Variants in UBR1 observed in about 807,000 individuals in gnomAD.
UBR1 encodes the protein E3 ubiquitin-protein ligase UBR1.
UBR1 carries 102 observed loss-of-function variants against 242.1 expected under a neutral mutation model. The observed-to-expected ratio is 0.42, with a 90% CI of 0.36 to 0.50. UBR1 has a LOEUF of 0.50. Ranked by LOEUF, UBR1 falls within the 20% of genes least tolerant of loss-of-function variation. The probability of loss-of-function intolerance (pLI) is 0.01; values close to 1 mark genes in which losing one functional copy is unlikely to be tolerated. For synonymous variants in UBR1, 675 were observed against 684.8 expected (o/e 0.99, Z 0.22); for missense variants, 1,772 against 2,101.8 (o/e 0.84, Z 3.07).
intron 3 of UBR1, among the ~76,000 whole-genome samples, chr15:43,075,460 T>A (rs535006403): frequency 6.6e-6 from 1 of 152,268 alleles, no homozygotes; most frequent in East Asian, 1.9e-4. Flanking sequence ...TTGTTATACT[T>A]TAAGTTTTAG....
rs371201277 is a variant in UBR1 at position 43,069,567 on chromosome 15, G to A, written c.659+1228C>T. The stretch of plus-strand genomic sequence containing the variant: ...TGGGATTACAGGCGTGAGCCGCCGC[G>A]CCCGGCCTATGTTCCCAGTTTTAAA... On this transcript the variant is annotated intron_variant, in intron 5 of 46. Transcript: ENST00000290650. 1.1e-3 allele frequency among the ~76,000 whole-genome samples: 174 copies of A among 152,288 alleles called. 4 individuals carry two copies. The South Asian group carries it at 0.035, about 31-fold the overall frequency.
intron 21 of UBR1, among the ~76,000 whole-genome samples, chr15:43,028,814 T>A (rs2033213374): frequency 6.6e-6 from 1 of 150,390 alleles, no homozygotes; most frequent in African/African-American, 2.5e-5. Context: ...CCGGATGCAG[T>A]ACATCACACC....
At chr15:42,946,847 C>A (rs1331089866) in intron 46 of UBR1, among the ~76,000 whole-genome samples, 1 of 152,056 alleles carries the variant, frequency 6.6e-6, no homozygotes, top group Non-Finnish European at 1.5e-5. Flanking sequence ...GCTGATATAG[C>A]TGGCTAATAA....
chr15:42,990,048 C>T lies in UBR1; in HGVS notation c.3830G>A (p.Ser1277Asn), dbSNP rs1268536076. The T allele has an allele frequency of 6.2e-7, 1 of 1,609,106 alleles. No homozygotes were observed. Among genetic ancestry groups the T allele is most frequent in the Non-Finnish European group, 8.5e-7 (1 of 1,177,310 alleles). ...TACTTACGAAGACTCAACGCCAAAA[C>T]TCAGGATGGAATGGAACTCCAAAGT... is the stretch of plus-strand genomic sequence containing the variant. ...DSTLEFHSIL[S>N]FGVESSIKYS... The change falls in exon 34 of 47, where the codon AGT (serine) becomes AAT (asparagine). Residue 1277 changes from serine (S) to asparagine (N), a missense_variant. Coordinates refer to ENST00000290650, the MANE Select transcript of UBR1 (RefSeq NM_174916.3).
chr15:43,025,488 A>C, intron 23 of UBR1, 59 bp from the exon 24 acceptor site: 1 of 1,342,622 alleles, frequency 7.4e-7, no homozygotes, highest in Admixed American at 1.8e-5. Context: ...AATGAAATAC[A>C]TTAAAGCAGT....
intron 37 of UBR1, among the ~76,000 whole-genome samples, chr15:42,982,697 A>G (rs2032395437): frequency 1.3e-5 from 2 of 152,230 alleles, no homozygotes; most frequent in South Asian, 4.1e-4. Flanking sequence ...ATTGGCTTCA[A>G]TAGATTTTCA....
rs368908908 is a variant in UBR1, at chr15:43,015,685, T to C, written c.3209+3A>G. ...TGGTAATTTTTGGTTTGCTTTATTTTACCTCTCTTCCTCCATAATGGAATC... is the reference window on the plus strand; with the variant it reads ...TGGTAATTTTTGGTTTGCTTTATTTCACCTCTCTTCCTCCATAATGGAATC... On this transcript the variant is annotated splice_donor_region_variant and intron_variant, in intron 29 of 46. Coordinates refer to ENST00000290650, the MANE Select transcript of UBR1 (RefSeq NM_174916.3). 3.1e-5 allele frequency: 50 copies of C among 1,613,588 alleles called. No homozygotes were observed. The African/African-American group carries it at 4.3e-4, about 14-fold the overall frequency.
chr15:43,022,625 C>G, intron 26 of UBR1, 77 bp downstream of exon 26: 2 of 1,051,514 alleles, frequency 1.9e-6, no homozygotes, highest in Non-Finnish European at 2.9e-6. Context: ...TATAAACTTT[C>G]AGGATTGACA....
At chr15:42,991,198 C>G (rs1393948090) in intron 33 of UBR1, among the ~76,000 whole-genome samples, 1 of 151,946 alleles carries the variant, frequency 6.6e-6, no homozygotes, top group Non-Finnish European at 1.5e-5. Flanking sequence ...ATCACTTGAA[C>G]CCAGGGGGTG....
chr15:43,021,373 A>G lies in UBR1; in HGVS notation c.2842T>C (p.Leu948=), dbSNP rs915536049. 4 of 1,613,346 alleles carry G rather than the reference A, an allele frequency of 2.5e-6. No individual in the cohort carries two copies. In the East Asian group the frequency reaches 6.7e-5, roughly 27 times the overall value. ...TFDFYHKASR[L]GSSAMNIQML... is the part of the protein sequence containing the mutation. ...TGTATATTCATGGCTGAACTTCCCA[A>G]TCCTTTTTTAAAACACAAAATCACA... Residue 948 remains leucine, a splice_region_variant and synonymous_variant, in exon 27 of 47, where the codon TTG becomes CTG. Transcript: ENST00000290650.
At chr15:43,092,023 T>TTG (rs202210257) in intron 1 of UBR1, 5,382 of 448,446 alleles carry the variant, frequency 0.012, 209 homozygotes, top group African/African-American at 0.096. Flanking sequence ...GAGGGAGAGG[T>TTG]CAGTGAGCGG....
At chr15:43,076,422 C>T (rs1403197720) in intron 3 of UBR1, among the ~76,000 whole-genome samples, 1 of 151,834 alleles carries the variant, frequency 6.6e-6, no homozygotes, top group Non-Finnish European at 1.5e-5. Context: ...AAGTGAGGAG[C>T]GTCTCTGCCC....
chr15:43,062,860 C>T (rs1384018652), intron 6 of UBR1, among the ~76,000 whole-genome samples: 4 of 151,980 alleles, frequency 2.6e-5, no homozygotes, highest in Non-Finnish European at 4.4e-5. Context: ...CCCCATACTC[C>T]CAATTCTGAT....
intron 30 of UBR1, among the ~76,000 whole-genome samples, chr15:43,004,397 G>A (rs1038467411): frequency 1.3e-5 from 2 of 151,584 alleles, no homozygotes; most frequent in South Asian, 2.1e-4. Flanking sequence ...CCCTGTCCCC[G>A]GTCTCCCTCT....
At chr15:43,017,257 C>A (rs2033039865) in intron 27 of UBR1, 76 bp from the exon 28 acceptor site, 4 of 1,006,332 alleles carry the variant, frequency 4.0e-6, no homozygotes, top group Non-Finnish European at 4.6e-6. Context: ...ATTCACTAAT[C>A]TGATTTTGGC....
At chr15:42,987,964 T>TA in intron 35 of UBR1, among the ~76,000 whole-genome samples, 1 of 152,106 alleles carries the variant, frequency 6.6e-6, no homozygotes, top group Admixed American at 6.6e-5. Context: ...TGCACTAACT[T>TA]AAAAAATCTA....
intron 10 of UBR1, among the ~76,000 whole-genome samples, 161 bp downstream of exon 10, chr15:43,058,180 G>A (rs907117958): frequency 1.1e-4 from 17 of 152,118 alleles, no homozygotes; most frequent in African/African-American, 3.4e-4. Flanking sequence ...AAAGTGCTGG[G>A]ATTACAGGCG....
At chr15:42,971,369 C>G (rs1468190322) in intron 39 of UBR1, among the ~76,000 whole-genome samples, 1 of 152,160 alleles carries the variant, frequency 6.6e-6, no homozygotes, top group Non-Finnish European at 1.5e-5. Context: ...CTAAACCCTT[C>G]CAGCAACTGC....
chr15:42,998,039 A>G, intron 33 of UBR1, 129 bp downstream of exon 33: 1 of 853,220 alleles, frequency 1.2e-6, no homozygotes, highest in Non-Finnish European at 1.8e-6. Context: ...TTTAGCTTCA[A>G]AAACTTCTAT....
Sources: gnomAD v4.1 joint callset for allele counts (sites outside exome capture counted in the v4.1 genomes callset) on GRCh38, gnomAD v4.1.1 for gene constraint, MANE v1.5 for transcripts, NCBI Gene and HGNC (gene_info 2026-07-23, HGNC 2026-07-21) for gene names.